The following ZNF385D variants were observed in gnomAD, a reference collection of about 807,000 sequenced individuals.
The protein encoded by ZNF385D is zinc finger protein 385D.
ZNF385D carries 15 observed loss-of-function variants against 35.8 expected under a neutral mutation model. The ratio of observed to expected loss-of-function variants is 0.42; its 90% CI spans 0.28 to 0.64. The LOEUF (loss-of-function observed/expected upper bound fraction) is 0.64. ZNF385D is among the 30% of genes least tolerant of loss of function. The pLI, the probability that ZNF385D is intolerant of heterozygous loss-of-function variation, is 0.23. For missense variants in ZNF385D, 474 were observed against 494.6 expected (o/e 0.96, Z 0.39); for synonymous variants, 212 against 186.8 (o/e 1.13, Z -1.10).
intron 2 of ZNF385D, among the ~76,000 whole-genome samples, chr3:21,647,505 G>A (rs568627290): frequency 1.3e-4 from 19 of 151,298 alleles, no homozygotes; most frequent in African/African-American, 4.9e-5. Flanking sequence ...CAATTAACAC[G>A]ACTAACCCAT....
chr3:21,947,692 C>G (rs1263217030), intron 3 of ZNF385D, among the ~76,000 whole-genome samples: 1 of 151,952 alleles, frequency 6.6e-6, no homozygotes. Context: ...CTATTTTTTG[C>G]GTGTAATATC....
chr3:21,600,797 A>G (rs2125760546), intron 2 of ZNF385D, among the ~76,000 whole-genome samples: 1 of 152,272 alleles, frequency 6.6e-6, no homozygotes. Flanking sequence ...CAAAAGAAAA[A>G]AAGCTCTGAG....
At chr3:21,653,730 A>T (rs1309548011) in intron 2 of ZNF385D, among the ~76,000 whole-genome samples, 1 of 152,044 alleles carries the variant, frequency 6.6e-6, no homozygotes, top group Non-Finnish European at 1.5e-5. Context: ...ATATGTACTT[A>T]ATGAATTTTT....
intron 2 of ZNF385D, among the ~76,000 whole-genome samples, chr3:22,301,535 T>C (rs1210574428): frequency 3.9e-5 from 6 of 152,104 alleles, no homozygotes; most frequent in African/African-American, 7.2e-5. Context: ...ACACAATATA[T>C]ATAATTTTGT....
In ZNF385D at chr3:21,893,400, T is replaced by C. The variant is rs940840880; in HGVS notation, c.326-228372A>G. Among the ~76,000 whole-genome samples, 4 of 152,274 alleles carry C rather than the reference T, an allele frequency of 2.6e-5. No homozygotes were observed. The South Asian group carries it at 8.3e-4, about 32-fold the overall frequency. On this transcript the variant is annotated intron_variant, in intron 3 of 5. Coordinates refer to the ZNF385D transcript ENST00000494108. Reference sequence around the variant, plus strand: ...CTTGCACAGACAGCTTATTCTTAAATGGCACTCATGTCATCGAGCTGTTTT... The same window carrying C: ...CTTGCACAGACAGCTTATTCTTAAACGGCACTCATGTCATCGAGCTGTTTT...
At chr3:21,915,160 T>C (rs1239475866) in intron 3 of ZNF385D, among the ~76,000 whole-genome samples, 1 of 152,004 alleles carries the variant, frequency 6.6e-6, no homozygotes, top group Non-Finnish European at 1.5e-5. Flanking sequence ...TCAGAAACTC[T>C]AGGTGCGTTA....
intron 3 of ZNF385D, among the ~76,000 whole-genome samples, chr3:21,942,262 T>G (rs1164656920): frequency 1.3e-5 from 2 of 152,208 alleles, no homozygotes; most frequent in African/African-American, 4.8e-5. Context: ...ACTCCTTTTT[T>G]AAATGGTCAG....
intron 4 of ZNF385D, among the ~76,000 whole-genome samples, chr3:21,482,335 C>T (rs999109970): frequency 1.3e-5 from 2 of 152,116 alleles, no homozygotes; most frequent in African/African-American, 4.8e-5. Flanking sequence ...CTGGCCATGA[C>T]CACTCATTTA....
chr3:21,925,234 C>A lies in ZNF385D; in HGVS notation c.325+243583G>T, dbSNP rs73131343. 1.4e-3 allele frequency among the ~76,000 whole-genome samples: 211 copies of A among 152,228 alleles called. 2 individuals carry two copies. The highest frequency in any genetic ancestry group is 4.6e-3 in the African/African-American group (191 of 41,540). Reference sequence around the variant, plus strand: ...AAAAAGTGGGAGGAACAGGTTTACTCAATTTCAAGACTTTCTATATAGCTA... The same window carrying A: ...AAAAAGTGGGAGGAACAGGTTTACTAAATTTCAAGACTTTCTATATAGCTA... On this transcript the variant is annotated intron_variant, in intron 3 of 5. Transcript: ENST00000494108.
intron 1 of ZNF385D, among the ~76,000 whole-genome samples, chr3:21,717,844 T>C (rs1295078243): frequency 6.6e-6 from 1 of 152,244 alleles, no homozygotes; most frequent in Non-Finnish European, 1.5e-5. Flanking sequence ...TAAACTTCTT[T>C]TTCTTTATAA....
intron 3 of ZNF385D, among the ~76,000 whole-genome samples, chr3:22,031,767 T>C (rs1201009092): frequency 6.6e-6 from 1 of 152,178 alleles, no homozygotes; most frequent in Non-Finnish European, 1.5e-5. Context: ...ACCCAGAAAA[T>C]GGGTTTCTCT....
chr3:22,087,983 C>A (rs547065322), intron 3 of ZNF385D, among the ~76,000 whole-genome samples: 18 of 152,232 alleles, frequency 1.2e-4, no homozygotes, highest in African/African-American at 4.1e-4. Context: ...AGGGTTGTTA[C>A]AGAAATGTAC....
intron 3 of ZNF385D, among the ~76,000 whole-genome samples, chr3:22,136,893 A>C (rs1704159612): frequency 6.6e-6 from 1 of 152,158 alleles, no homozygotes; most frequent in South Asian, 2.1e-4. Flanking sequence ...CAAAACTATG[A>C]AATCGGTAAA....
At chr3:21,889,594 A>G (rs529431699) in intron 3 of ZNF385D, among the ~76,000 whole-genome samples, 2 of 152,054 alleles carry the variant, frequency 1.3e-5, no homozygotes, top group African/African-American at 4.8e-5. Flanking sequence ...CTTTCTTCAG[A>G]AAAAAAACTG....
chr3:21,601,838 G>A (rs1235736485), intron 2 of ZNF385D, among the ~76,000 whole-genome samples: 1 of 152,092 alleles, frequency 6.6e-6, no homozygotes, highest in African/African-American at 2.4e-5. Flanking sequence ...CCAATTAATA[G>A]TACTCAGACT....
chr3:21,662,613 A>G (rs2066273373), intron 2 of ZNF385D, among the ~76,000 whole-genome samples: 1 of 152,216 alleles, frequency 6.6e-6, no homozygotes, highest in African/African-American at 2.4e-5. Context: ...GGGCTTTCCA[A>G]CAATTCACTT....
intron 2 of ZNF385D, among the ~76,000 whole-genome samples, chr3:21,597,592 A>G (rs1220010399): frequency 6.6e-6 from 1 of 152,152 alleles, no homozygotes; most frequent in Admixed American, 6.6e-5. Flanking sequence ...AGGTAGGACC[A>G]TAAAAAAAAT....
intron 3 of ZNF385D, among the ~76,000 whole-genome samples, chr3:21,837,154 A>C (rs1695380569): frequency 6.6e-6 from 1 of 152,102 alleles, no homozygotes; most frequent in Non-Finnish European, 1.5e-5. Context: ...TCATTGCCAA[A>C]TTTCTCTCTA....
intron 3 of ZNF385D, among the ~76,000 whole-genome samples, chr3:22,098,180 T>C (rs1559366999): frequency 6.6e-6 from 1 of 152,050 alleles, no homozygotes; most frequent in African/African-American, 2.4e-5. Flanking sequence ...TTTAATCTAT[T>C]ACGACCAATA....
Sources: gnomAD v4.1 joint callset for allele counts (sites outside exome capture counted in the v4.1 genomes callset) on GRCh38, gnomAD v4.1.1 for gene constraint, MANE v1.5 for transcripts, NCBI Gene and HGNC (gene_info 2026-07-23, HGNC 2026-07-21) for gene names.